The following ULK3 variants were observed in gnomAD, a reference collection of about 807,000 sequenced individuals.
ULK3 encodes serine/threonine-protein kinase ULK3.
ULK3 carries 54 observed loss-of-function variants against 69.4 expected under a neutral mutation model. That is an observed-to-expected ratio of 0.78 (90% confidence interval 0.63 to 0.98). The LOEUF (loss-of-function observed/expected upper bound fraction) is 0.98. Among genes scored for constraint, ULK3 ranks in the 50% least tolerant of loss-of-function variants. The probability of loss-of-function intolerance (pLI) is 0.00; values close to 1 mark genes in which losing one functional copy is unlikely to be tolerated. For missense variants in ULK3, 558 were observed against 627.7 expected (o/e 0.89, Z 1.19); for synonymous variants, 240 against 254.5 (o/e 0.94, Z 0.54).
intron 4 of ULK3, 128 bp from the exon 5 acceptor site, chr15:74,840,769 G>T: frequency 1.6e-6 from 2 of 1,275,486 alleles, no homozygotes; most frequent in Non-Finnish European, 1.1e-6. Context: ...CCAAGCCTCT[G>T]CTCATCATTA....
intron 5 of ULK3, 57 bp from the exon 6 acceptor site, chr15:74,840,373 G>A (rs1027888853): frequency 7.6e-6 from 12 of 1,577,658 alleles, no homozygotes; most frequent in East Asian, 4.7e-5. Context: ...CTGGCCTGAC[G>A]CCCCTCAGCA....
chr15:74,840,295 G>C lies in ULK3; in HGVS notation c.635C>G (p.Pro212Arg), dbSNP rs770330314. 3.6e-5 allele frequency: 58 copies of C among 1,610,534 alleles called. No homozygotes were observed. The highest frequency in any genetic ancestry group is 4.6e-5 in the Non-Finnish European group (54 of 1,178,610). ...CTCCGAGAACGACCTGGAGGCAAAG[G>C]GGGGCTGCCCGAAGAGGGCTTCTGT... ...ILYEALFGQP[P>R]FASRSFSELE... The change falls in exon 6 of 16, where the codon CCC becomes CGC. Residue 212 changes from proline to arginine, a missense_variant. Physicochemically the swap from Pro to Arg is moderately radical, Grantham distance 103. Coordinates refer to ENST00000440863, the MANE Select transcript of ULK3 (RefSeq NM_001099436.4).
rs778548524 is a variant in ULK3 at position 74,838,242 on chromosome 15, G to A, written c.1246+24C>T. On this transcript the variant is annotated intron_variant, in intron 12 of 15. Coordinates refer to ENST00000440863, the MANE Select transcript of ULK3 (RefSeq NM_001099436.4). The stretch of plus-strand genomic sequence containing the variant: ...GGACAGGGTGGCCAGAGGCCCTGTG[G>A]GGGGCATAAATGGGGGCCCTCACCT... 4 of 1,564,088 alleles carry A rather than the reference G, an allele frequency of 2.6e-6. No homozygotes were observed. In the Admixed American group the frequency reaches 5.7e-5, roughly 22 times the overall value.
At position 74,837,779 on chromosome 15, in the gene ULK3, C is replaced by T. The variant is rs1382621921; in HGVS notation, c.1307G>A (p.Arg436Gln). Residue 436 changes from arginine to glutamine, a missense_variant, in exon 14 of 16, where the codon CGA (arginine) becomes CAA (glutamine). Physicochemically the swap from Arg to Gln is conservative, Grantham distance 43. Transcript: ENST00000440863. The part of the protein sequence containing the change: ...LHTEVQNLMA[R>Q]AEYLKEQVKM... ...GACCTGCTCCTTCAAGTATTCAGCT[C>T]GGGCCATGAGGTTCTGAACCTGCCA... 9 of 1,598,340 alleles carry T rather than the reference C, an allele frequency of 5.6e-6. No homozygotes were observed. In the East Asian group the frequency reaches 6.8e-5, roughly 12 times the overall value.
rs2064324504 is a variant in ULK3 at position 74,843,091 on chromosome 15, G to A, written c.15C>T (p.Gly5=). The A allele has an allele frequency of 7.4e-7, 1 of 1,347,100 alleles. No homozygotes were observed. Among genetic ancestry groups the A allele is most frequent in the South Asian group, 2.1e-5 (1 of 48,402 alleles). 83.4% of individuals were successfully genotyped at this position (1,347,100 alleles called of 1,614,324 possible). A position where few individuals can be genotyped will look rare whatever the true frequency, so the allele number is the denominator to read the frequency against. Residue 5 remains glycine (G), a synonymous_variant, in exon 1 of 16, where the codon GGC becomes GGT. Transcript: ENST00000440863. MAGP[G]WGPPRLDGFI... The stretch of plus-strand genomic sequence containing the variant: ...AGCCGTCCAGGCGCGGGGGACCCCA[G>A]CCGGGCCCCGCCATTCCGGCCGCCT...
chr15:74,840,419 C>G, intron 5 of ULK3, 79 bp downstream of exon 5: 1 of 1,567,102 alleles, frequency 6.4e-7, no homozygotes, highest in Non-Finnish European at 8.6e-7. Flanking sequence ...TCATCAGAAC[C>G]CTTCAGAAGT....
chr15:74,840,713 C>A, intron 4 of ULK3, 72 bp from the exon 5 acceptor site: 1 of 1,493,030 alleles, frequency 6.7e-7, no homozygotes, highest in South Asian at 1.4e-5. Context: ...AAGCCTCACC[C>A]CAGGCTCCTC....
Position 74,840,293 on chromosome 15 carries a change from A to AG in ULK3, c.636dup (p.Phe213LeufsTer15). 6.2e-7 allele frequency: 1 copy of AG among 1,610,662 alleles called. No individual in the cohort carries two copies. ...AGCTCCGAGAACGACCTGGAGGCAA[A>AG]GGGGGGCTGCCCGAAGAGGGCTTCT... On this transcript the variant is annotated frameshift_variant, in exon 6 of 16. Coordinates refer to ENST00000440863, the MANE Select transcript of ULK3 (RefSeq NM_001099436.4). LOFTEE classifies it high-confidence loss of function.
intron 6 of ULK3, 92 bp downstream of exon 6, chr15:74,840,142 C>A: frequency 6.9e-7 from 1 of 1,447,002 alleles, no homozygotes. Context: ...GGAGCCCATA[C>A]TCCAGTCTCT....
Position 74,842,653 on chromosome 15 carries a change from A to G in ULK3, c.103-233T>C. On this transcript the variant is annotated intron_variant, in intron 1 of 15. Coordinates refer to ENST00000440863, the MANE Select transcript of ULK3 (RefSeq NM_001099436.4). This position sits in a 1 kb window ranked among gnomAD's most constrained non-coding sequence, Gnocchi z 4.9. ...GCCTGGTCTTCTCCAACCCTCGGCT[A>G]GCTGATCCATTTCTTTGCATTCTGG... 6.5e-7 allele frequency: 1 copy of G among 1,536,110 alleles called. No individual in the cohort carries two copies. The highest frequency in any genetic ancestry group is 1.2e-5 in the South Asian group (1 of 84,182).
Position 74,838,727 on chromosome 15 carries a change from G to C in ULK3, c.1018C>G (p.Arg340Gly), listed in dbSNP as rs1446562926. Residue 340 changes from arginine (R) to glycine (G), a missense_variant, in exon 10 of 16, where the codon CGG (arginine) becomes GGG (glycine). By Grantham distance (125) the Arg-to-Gly change is moderately radical. Transcript: ENST00000440863. ...ACGATGGCCTTGAGCTCCTCAGCCC[G>C]GGACACGTACTGCCCCACCTGTAGC... The part of the protein sequence containing the change: ...IKAKVGQYVS[R>G]AEELKAIVSS... 1.2e-6 allele frequency: 2 copies of C among 1,610,252 alleles called. No homozygotes were observed. The highest frequency in any genetic ancestry group is 1.7e-6 in the Non-Finnish European group (2 of 1,178,226).
chr15:74,837,090 G>A lies in ULK3; in HGVS notation c.*138C>T. ...ACCTGAGGGAGGCTGGGGACTCTGGGATATGGGGGTCTCAGCACTGTCCAT... is the reference window on the plus strand; with the variant it reads ...ACCTGAGGGAGGCTGGGGACTCTGGAATATGGGGGTCTCAGCACTGTCCAT... On this transcript the variant is annotated 3_prime_UTR_variant, in exon 16 of 16. Transcript: ENST00000440863. The A allele has an allele frequency of 2.5e-6, 3 of 1,217,912 alleles. No individual in the cohort carries two copies. The Admixed American group carries it at 9.0e-5, about 36-fold the overall frequency. The allele number at this position is 1,217,912 out of a possible 1,614,324, so 75.4% of individuals were successfully genotyped here. A position where few individuals can be genotyped will look rare whatever the true frequency, so the allele number is the denominator to read the frequency against.
intron 15 of ULK3, 58 bp from the exon 16 acceptor site, chr15:74,837,302 G>A: frequency 6.2e-7 from 1 of 1,612,158 alleles, no homozygotes; most frequent in Non-Finnish European, 8.5e-7. Context: ...GGTAAGGGAG[G>A]CAGAACCCAG....
chr15:74,841,573 C>CCGGCTCACATCTGCCTCCT, intron 3 of ULK3, 64 bp from the exon 4 acceptor site: 2 of 1,403,196 alleles, frequency 1.4e-6, no homozygotes, highest in Non-Finnish European at 2.0e-6. Flanking sequence ...TCTCGCCTCC[C>CCGGCTCACATCTGCCTCCT]CGGCTCACAT....
intron 6 of ULK3, among the ~76,000 whole-genome samples, 195 bp downstream of exon 6, chr15:74,840,039 G>A (rs2064187435): frequency 6.6e-6 from 1 of 152,176 alleles, no homozygotes; most frequent in African/African-American, 2.4e-5. Flanking sequence ...AATGGGCACT[G>A]TGCTGCCAGC....
rs1418334557 is a variant in ULK3 at position 74,838,702 on chromosome 15, A to G, written c.1043T>C (p.Val348Ala). The part of the protein sequence containing the change: ...VSRAEELKAI[V>A]SSSNQALLRQ... ...CAGCAGGGCCTGATTGGAAGAGGAG[A>G]CGATGGCCTTGAGCTCCTCAGCCCG... Residue 348 changes from valine (V) to alanine (A), a missense_variant, in exon 10 of 16, where the codon GTC becomes GCC. Coordinates refer to ENST00000440863, the MANE Select transcript of ULK3 (RefSeq NM_001099436.4). 39 of 1,612,212 alleles carry G rather than the reference A, an allele frequency of 2.4e-5. No individual in the cohort carries two copies. The highest frequency in any genetic ancestry group is 3.2e-5 in the Non-Finnish European group (38 of 1,179,238).
Position 74,837,873 on chromosome 15 carries a change from A to C in ULK3, c.1288-75T>G, listed in dbSNP as rs942465215. 2.8e-6 allele frequency: 4 copies of C among 1,419,550 alleles called. No individual in the cohort carries two copies. The African/African-American group carries it at 5.7e-5, about 20-fold the overall frequency. The allele number at this position is 1,419,550 out of a possible 1,614,324, so 87.9% of individuals were successfully genotyped here. ...GGGGTTTCAAAGGGAACTCCTCCTC[A>C]CCCCTGATGCTCTCCAGAACCCTCT... On this transcript the variant is annotated intron_variant, in intron 13 of 15. Coordinates refer to ENST00000440863, the MANE Select transcript of ULK3 (RefSeq NM_001099436.4).
At position 74,839,806 on chromosome 15, in the gene ULK3, G is replaced by A. The variant is rs767853717; in HGVS notation, c.697-93C>T. The A allele has an allele frequency of 2.7e-4, 379 of 1,426,176 alleles. 1 individual carries two copies. Among genetic ancestry groups the A allele is most frequent in the Middle Eastern group, 7.8e-4 (3 of 3,868 alleles). The allele number at this position is 1,426,176 out of a possible 1,614,324, so 88.3% of individuals were successfully genotyped here. ...TCTGCGAGGAACCCCAGAGGTACGCGTTGGACAGGTGGGGAATCTGAGACC... is the reference window on the plus strand; with the variant it reads ...TCTGCGAGGAACCCCAGAGGTACGCATTGGACAGGTGGGGAATCTGAGACC... On this transcript the variant is annotated intron_variant, in intron 6 of 15. Transcript: ENST00000440863.
In ULK3 at chr15:74,837,405, G is replaced by T; in HGVS notation, c.1366C>A (p.Leu456Met). The T allele has an allele frequency of 6.2e-7, 1 of 1,613,010 alleles. No individual in the cohort carries two copies. The highest frequency in any genetic ancestry group is 1.3e-5 in the African/African-American group (1 of 75,012). Residue 456 changes from leucine (L) to methionine (M), a missense_variant, in exon 15 of 16, where the codon CTG (leucine) becomes ATG (methionine). Physicochemically the swap from Leu to Met is conservative, Grantham distance 15. Transcript: ENST00000440863. ...GATTCCGACAGTCCCTCTTTGTCCA[G>T]GGTGTCAGCTTCCCAGCGAGATTCC... ...MRESRWEADTLDKEGLSESVR... is the reference protein window; with the variant it reads ...MRESRWEADTMDKEGLSESVR...
Sources: gnomAD v4.1 joint callset for allele counts (sites outside exome capture counted in the v4.1 genomes callset) on GRCh38, gnomAD v4.1.1 for gene constraint, Gnocchi (gnomAD v3.1) non-coding constraint, MANE v1.5 for transcripts, NCBI Gene and HGNC (gene_info 2026-07-23, HGNC 2026-07-21) for gene names.